ITSN1: variants seen among roughly 807,000 people sequenced by gnomAD.
ITSN1 encodes the protein intersectin-1.
Under a neutral mutation model 239.8 loss-of-function variants are expected in ITSN1, and 58 were observed. The observed-to-expected ratio is 0.24, with a 90% CI of 0.20 to 0.30. The LOEUF is 0.30. ITSN1 is among the 10% of genes least tolerant of loss of function. The probability of loss-of-function intolerance (pLI) is 1.00; values close to 1 mark genes in which losing one functional copy is unlikely to be tolerated. For missense variants in ITSN1, 1,558 were observed against 2,103.3 expected (o/e 0.74, Z 5.07); for synonymous variants, 780 against 770.8 (o/e 1.01, Z -0.20).
chr21:33,775,230 CA>C (rs1408824235), intron 14 of ITSN1, 122 bp downstream of exon 14: 18 of 1,013,582 alleles, frequency 1.8e-5, no homozygotes, highest in Non-Finnish European at 2.4e-5. Context: ...CACTGGGAAG[CA>C]AAAATGAAGT....
chr21:33,818,530 T>C (rs1321442807), intron 23 of ITSN1, 58 bp downstream of exon 23: 2 of 1,391,014 alleles, frequency 1.4e-6, no homozygotes, highest in East Asian at 2.3e-5. Context: ...GTTATATTAC[T>C]GTTTGCACTA....
At position 33,867,638 on chromosome 21, in the gene ITSN1, TAAA is replaced by T. The variant is rs3057468; in HGVS notation, c.4173+323_4173+325del. Among the ~76,000 whole-genome samples the T allele has an allele frequency of 2.4e-3, 336 of 142,790 alleles. 1 individual carries two copies. Among genetic ancestry groups the T allele is most frequent in the East Asian group, 6.4e-3 (31 of 4,878 alleles). The allele number at this position is 142,790 out of a possible 152,430, so 93.7% of individuals were successfully genotyped here. Reference sequence around the variant, plus strand: ...CAGCATAATGAGACCCTATCTCTATTAAAAAAAAAAAAAAAAAAGAGAGCTAAT... The same window carrying T: ...CAGCATAATGAGACCCTATCTCTATTAAAAAAAAAAAAAAAGAGAGCTAAT... On this transcript the variant is annotated intron_variant, in intron 33 of 39. Coordinates refer to ENST00000381318, the MANE Select transcript of ITSN1 (RefSeq NM_003024.3).
chr21:33,747,404 A>C (rs368005812), intron 5 of ITSN1, among the ~76,000 whole-genome samples: 20 of 152,280 alleles, frequency 1.3e-4, no homozygotes, highest in Admixed American at 6.5e-4. Flanking sequence ...TCATGAGAGA[A>C]AGGTACAGAA....
intron 1 of ITSN1, among the ~76,000 whole-genome samples, chr21:33,690,791 ATATATATATATATATATATATATG>A (rs1484132145): frequency 2.5e-4 from 2 of 8,034 alleles, no homozygotes; most frequent in East Asian, 1.9e-3. Flanking sequence ...ATATATATAC[ATATATATATATATATATATATATG>A]TATATATATA....
chr21:33,835,277 T>C (rs1569279514), intron 28 of ITSN1, among the ~76,000 whole-genome samples: 1 of 152,174 alleles, frequency 6.6e-6, no homozygotes, highest in Non-Finnish European at 1.5e-5. Context: ...TTGTGTAGGC[T>C]GAGGAATGTG....
At chr21:33,839,033 T>G (rs73199900) in intron 29 of ITSN1, among the ~76,000 whole-genome samples, 48 of 152,332 alleles carry the variant, frequency 3.2e-4, no homozygotes, top group Non-Finnish European at 5.9e-4. Context: ...CCTCATGAGC[T>G]TCACTTATTG....
chr21:33,727,754 G>A (rs1053241282), intron 4 of ITSN1, among the ~76,000 whole-genome samples: 6 of 151,866 alleles, frequency 4.0e-5, no homozygotes, highest in Non-Finnish European at 8.8e-5. Context: ...CAACACCTGG[G>A]CACCGTGCTT....
chr21:33,654,131 C>CG (rs760053714), intron 1 of ITSN1, among the ~76,000 whole-genome samples: 3 of 152,074 alleles, frequency 2.0e-5, no homozygotes, highest in Non-Finnish European at 2.9e-5. Context: ...ACTGTATCCC[C>CG]AACCTTCCAG....
chr21:33,791,160 A>G (rs2071098914), intron 16 of ITSN1, among the ~76,000 whole-genome samples: 1 of 152,236 alleles, frequency 6.6e-6, no homozygotes, highest in African/African-American at 2.4e-5. Context: ...TTCATGCCAT[A>G]GTAAACTCTT....
chr21:33,681,583 G>C (rs2090956279), intron 1 of ITSN1, among the ~76,000 whole-genome samples: 1 of 151,088 alleles, frequency 6.6e-6, no homozygotes, highest in Admixed American at 6.6e-5. Flanking sequence ...TTATTTTCAT[G>C]CTATTTGATG....
chr21:33,744,267 C>T (rs569067473), intron 5 of ITSN1, among the ~76,000 whole-genome samples: 33 of 152,108 alleles, frequency 2.2e-4, no homozygotes, highest in East Asian at 1.5e-3. Flanking sequence ...TAAGTAATTA[C>T]GGAATAGTCT....
At position 33,813,142 on chromosome 21, in the gene ITSN1, T is replaced by C. The variant is rs149734283; in HGVS notation, c.2568-771T>C. On this transcript the variant is annotated intron_variant, in intron 21 of 39. Coordinates refer to ENST00000381318, the MANE Select transcript of ITSN1 (RefSeq NM_003024.3). Reference sequence around the variant, plus strand: ...CACAGTATTGTTCCCATTTTATCAATGAGGAAATCAAATGCCTTTTCCTCT... The same window carrying C: ...CACAGTATTGTTCCCATTTTATCAACGAGGAAATCAAATGCCTTTTCCTCT... Among the ~76,000 whole-genome samples the C allele has an allele frequency of 7.1e-3, 1,083 of 152,222 alleles. 13 individuals are homozygous for C. The highest frequency in any genetic ancestry group is 0.025 in the African/African-American group (1,036 of 41,530).
chr21:33,788,522 G>A (rs2147959416), intron 16 of ITSN1, among the ~76,000 whole-genome samples: 1 of 152,296 alleles, frequency 6.6e-6, no homozygotes, highest in African/African-American at 2.4e-5. Flanking sequence ...CTTGAGGTCA[G>A]GAGTTTGAGA....
At chr21:33,665,463 AT>A (rs1027940930) in intron 1 of ITSN1, among the ~76,000 whole-genome samples, 3 of 151,632 alleles carry the variant, frequency 2.0e-5, no homozygotes, top group Non-Finnish European at 2.9e-5. Flanking sequence ...TATGGCTATC[AT>A]TTTTTTTTAA....
At chr21:33,703,007 A>G (rs2092091798) in intron 1 of ITSN1, among the ~76,000 whole-genome samples, 1 of 151,580 alleles carries the variant, frequency 6.6e-6, no homozygotes, top group African/African-American at 2.4e-5. Flanking sequence ...AACTTGGGAG[A>G]TGGTGGTTGC....
rs1009248498 is a variant in ITSN1, at chr21:33,892,113, T to C, written c.*3813T>C. The stretch of plus-strand genomic sequence containing the variant: ...GCAGCAGGTCTGCTTGGTCCAGATA[T>C]GCTTGTTTACAAGTTTAGAGCATCC... On this transcript the variant is annotated 3_prime_UTR_variant, in exon 40 of 40. Transcript: ENST00000381318. 3 of 152,208 alleles carry C rather than the reference T, an allele frequency of 2.0e-5. No individual in the cohort carries two copies. The highest frequency in any genetic ancestry group is 4.4e-5 in the Non-Finnish European group (3 of 68,046). 9.4% of individuals were successfully genotyped at this position (152,208 alleles called of 1,614,324 possible).
chr21:33,748,029 A>G (rs1283083856), intron 5 of ITSN1, among the ~76,000 whole-genome samples: 1 of 152,222 alleles, frequency 6.6e-6, no homozygotes, highest in Non-Finnish European at 1.5e-5. Flanking sequence ...GGCTTATAAC[A>G]TATTATAATG....
chr21:33,676,564 G>T (rs1002728142), intron 1 of ITSN1, among the ~76,000 whole-genome samples: 1 of 152,144 alleles, frequency 6.6e-6, no homozygotes, highest in African/African-American at 2.4e-5. Context: ...GTTCACTAGG[G>T]TCTTCAAACT....
chr21:33,721,355 C>A, intron 3 of ITSN1, 85 bp downstream of exon 3: 1 of 844,816 alleles, frequency 1.2e-6, no homozygotes, highest in Non-Finnish European at 2.0e-6. Context: ...ACGAGATGGG[C>A]AAATATGACC....
Sources: gnomAD v4.1 joint callset for allele counts (sites outside exome capture counted in the v4.1 genomes callset) on GRCh38, gnomAD v4.1.1 for gene constraint, MANE v1.5 for transcripts, NCBI Gene and HGNC (gene_info 2026-07-23, HGNC 2026-07-21) for gene names.